The following CDH20 variants were observed in gnomAD, a reference collection of about 807,000 sequenced individuals.
CDH20 encodes cadherin-20.
In CDH20, 29 loss-of-function variants were observed where a neutral mutation model predicts 74.2. That is an observed-to-expected ratio of 0.39 (90% CI 0.29 to 0.53). The LOEUF (loss-of-function observed/expected upper bound fraction) is 0.53, where lower values mean the gene tolerates loss of function less well. CDH20 is among the 20% of genes least tolerant of loss of function. The pLI is 0.69. For synonymous variants in CDH20, 469 were observed against 405.4 expected (o/e 1.16, Z -1.88); for missense variants, 988 against 1,048.3 (o/e 0.94, Z 0.79).
intron 1 of CDH20, among the ~76,000 whole-genome samples, chr18:61,415,587 C>T (rs1912655300): frequency 1.3e-5 from 2 of 152,118 alleles, no homozygotes; most frequent in Admixed American, 6.6e-5. Flanking sequence ...GAATATCACC[C>T]TCCGAAAACT....
At chr18:61,439,182 G>A (rs1908940697) in intron 1 of CDH20, among the ~76,000 whole-genome samples, 1 of 152,038 alleles carries the variant, frequency 6.6e-6, no homozygotes, top group Non-Finnish European at 1.5e-5. Context: ...GAGATCAATT[G>A]TACCCCAAGC....
chr18:61,486,649 T>G (rs1910774115), intron 1 of CDH20, among the ~76,000 whole-genome samples: 1 of 140,032 alleles, frequency 7.1e-6, no homozygotes, highest in African/African-American at 2.6e-5. Flanking sequence ...TTTAAGTGCA[T>G]TTTTGAGACT....
At chr18:61,526,082 C>T (rs1912393921) in intron 6 of CDH20, among the ~76,000 whole-genome samples, 1 of 141,840 alleles carries the variant, frequency 7.1e-6, no homozygotes, top group East Asian at 2.1e-4. Context: ...CATTGTCAGG[C>T]TTACAGGCAT....
intron 1 of CDH20, among the ~76,000 whole-genome samples, chr18:61,432,631 T>G (rs1913295097): frequency 6.6e-6 from 1 of 152,154 alleles, no homozygotes; most frequent in African/African-American, 2.4e-5. Flanking sequence ...TTTCCTCTGC[T>G]CCTGTCCACC....
At chr18:61,453,750 T>C (rs2144343743) in intron 1 of CDH20, among the ~76,000 whole-genome samples, 1 of 152,330 alleles carries the variant, frequency 6.6e-6, no homozygotes, top group Admixed American at 6.5e-5. Flanking sequence ...GGGGCATTAT[T>C]AGTAAAGCTG....
intron 1 of CDH20, among the ~76,000 whole-genome samples, chr18:61,359,562 G>A (rs1910620098): frequency 6.6e-6 from 1 of 152,024 alleles, no homozygotes; most frequent in African/African-American, 2.4e-5. Context: ...TGGATTATGT[G>A]GTAAAGTAGA....
chr18:61,367,137 T>C (rs1227581263), intron 1 of CDH20, among the ~76,000 whole-genome samples: 1 of 152,160 alleles, frequency 6.6e-6, no homozygotes, highest in Non-Finnish European at 1.5e-5. Flanking sequence ...TTTCCTCTCA[T>C]GTAAAGGGAA....
At chr18:61,518,805 G>T (rs1292252605) in intron 6 of CDH20, among the ~76,000 whole-genome samples, 2 of 151,010 alleles carry the variant, frequency 1.3e-5, no homozygotes, top group African/African-American at 4.9e-5. Flanking sequence ...TCAGAAAGTG[G>T]GTAATAACAA....
chr18:61,429,555 T>C (rs1913183691), intron 1 of CDH20, among the ~76,000 whole-genome samples: 1 of 152,218 alleles, frequency 6.6e-6, no homozygotes, highest in South Asian at 2.1e-4. Flanking sequence ...GTTTTTCTAC[T>C]GTAGCCACAA....
intron 6 of CDH20, among the ~76,000 whole-genome samples, chr18:61,522,190 C>A (rs999081405): frequency 2.0e-5 from 3 of 152,194 alleles, no homozygotes; most frequent in Non-Finnish European, 4.4e-5. Context: ...AGCCCAAAAT[C>A]TCCTTAAGCT....
intron 1 of CDH20, among the ~76,000 whole-genome samples, chr18:61,379,519 A>G (rs562932539): frequency 1.3e-5 from 2 of 152,342 alleles, no homozygotes; most frequent in African/African-American, 4.8e-5. Flanking sequence ...TACTAGAGAA[A>G]AGGAAAGTCT....
chr18:61,552,651 T>C (rs547074026), intron 11 of CDH20, among the ~76,000 whole-genome samples: 1 of 152,222 alleles, frequency 6.6e-6, no homozygotes, highest in African/African-American at 2.4e-5. Context: ...CTTGTGGCTC[T>C]AACAGCCCTT....
intron 1 of CDH20, among the ~76,000 whole-genome samples, chr18:61,383,349 G>A (rs1479555410): frequency 6.6e-6 from 1 of 152,164 alleles, no homozygotes; most frequent in African/African-American, 2.4e-5. Context: ...GGGAGGCCAA[G>A]GCAGGTGGAT....
chr18:61,550,152 C>G lies in CDH20; in HGVS notation c.1823C>G (p.Pro608Arg). Residue 608 changes from proline to arginine, a missense_variant, in exon 11 of 12, where the codon CCA becomes CGA. Physicochemically the swap from Pro to Arg is moderately radical, Grantham distance 103 (BLOSUM62 -2). This residue lies in a region of CDH20 where 375 missense variants were observed against 293.1 expected (regional missense o/e 1.28). Coordinates refer to ENST00000262717, the MANE Select transcript of CDH20 (RefSeq NM_031891.4). ...GACGGCCACGTCATGTCCTGCAGCC[C>G]AGAGGCCTACATGCTCCCAGTCAGT... ...DDDGHVMSCS[P>R]EAYMLPVSLS... 6.2e-7 allele frequency: 1 copy of G among 1,614,206 alleles called. No individual in the cohort carries two copies. The highest frequency in any genetic ancestry group is 1.1e-5 in the South Asian group (1 of 91,090).
rs571523777 is a variant in CDH20 at position 61,384,081 on chromosome 18, G to A, written c.-153+50254G>A. On this transcript the variant is annotated intron_variant, in intron 1 of 11. Coordinates refer to ENST00000262717, the MANE Select transcript of CDH20 (RefSeq NM_031891.4). ...CTGTTCCCTTAATTGAGAGAAACAG[G>A]GGGTGGTGGTTCTCGAATTTTTACA... Among the ~76,000 whole-genome samples the A allele has an allele frequency of 4.6e-5, 7 of 152,112 alleles. No individual in the cohort carries two copies. The South Asian group carries it at 1.0e-3, about 23-fold the overall frequency.
chr18:61,555,216 G>A lies in CDH20; in HGVS notation c.*521G>A. The A allele has an allele frequency of 1.0e-6, 1 of 982,418 alleles. No homozygotes were observed. The highest frequency in any genetic ancestry group is 1.2e-6 in the Non-Finnish European group (1 of 829,482). The allele number at this position is 982,418 out of a possible 1,614,324, so 60.9% of individuals were successfully genotyped here. A position where few individuals can be genotyped will look rare whatever the true frequency, so the allele number is the denominator to read the frequency against. On this transcript the variant is annotated 3_prime_UTR_variant, in exon 12 of 12. Coordinates refer to ENST00000262717, the MANE Select transcript of CDH20 (RefSeq NM_031891.4). The stretch of plus-strand genomic sequence containing the variant: ...GAAATTAACCTACTTGTTCTGGGAT[G>A]GATGGAATTTCCCGTAACCCTTTTG...
intron 4 of CDH20, among the ~76,000 whole-genome samples, chr18:61,500,912 T>C (rs497686): frequency 0.065 from 9,858 of 152,266 alleles, 349 homozygotes; most frequent in Middle Eastern, 0.12. Flanking sequence ...CTTGGGGGAA[T>C]CATCCAGTCC....
chr18:61,470,358 C>T (rs1910122676), intron 1 of CDH20, among the ~76,000 whole-genome samples: 1 of 152,216 alleles, frequency 6.6e-6, no homozygotes, highest in African/African-American at 2.4e-5. Context: ...TCCCCTATTC[C>T]CTCCATTTTC....
At position 61,490,737 on chromosome 18, in the gene CDH20, G is replaced by A. The variant is rs1910931233; in HGVS notation, c.184G>A (p.Val62Ile). ...ACATCAGCGGACCAAGAGGAGCTGG[G>A]TTTGGAACCAGTTTTTCGTTCTGGA... ...QSHQRTKRSW[V>I]WNQFFVLEEY... The change falls in exon 2 of 12, where the codon GTT becomes ATT. Residue 62 changes from valine to isoleucine, a missense_variant. Around this residue, in one of 2 missense-constraint regions of CDH20, gnomAD observed 613 missense variants for 755.2 expected, o/e 0.81. Coordinates refer to ENST00000262717, the MANE Select transcript of CDH20 (RefSeq NM_031891.4). 1.2e-6 allele frequency: 2 copies of A among 1,614,166 alleles called. No homozygotes were observed. Among genetic ancestry groups the A allele is most frequent in the Non-Finnish European group, 1.7e-6 (2 of 1,180,030 alleles).
Sources: allele counts gnomAD v4.1 joint callset (sites outside exome capture counted in the v4.1 genomes callset), GRCh38; gene constraint gnomAD v4.1.1; regional missense constraint gnomAD v4.1.1; transcripts MANE v1.5; gene names NCBI Gene and HGNC (gene_info 2026-07-23, HGNC 2026-07-21).